The following RBFOX1 variants were observed in gnomAD, a reference collection of about 807,000 sequenced individuals.
The protein encoded by RBFOX1 is RNA binding fox-1 homolog 1.
Under a neutral mutation model 57.7 loss-of-function variants are expected in RBFOX1, and 8 were observed. The ratio of observed to expected loss-of-function variants is 0.14; its 90% CI spans 0.08 to 0.25. The LOEUF is 0.25. RBFOX1 is among the 10% of genes least tolerant of loss of function. The pLI is 1.00. For missense variants in RBFOX1, 611 were observed against 548.5 expected, an observed-to-expected ratio of 1.11 and a Z score of -1.14; for synonymous variants, 326 against 222.4, an observed-to-expected ratio of 1.47 and a Z score of -4.15.
intron 2 of RBFOX1, among the ~76,000 whole-genome samples, chr16:5,488,884 A>T (rs1438212423): frequency 6.6e-6 from 1 of 152,170 alleles, no homozygotes; most frequent in Non-Finnish European, 1.5e-5. Context: ...GATGATGATG[A>T]TGGAATATGA....
intron 3 of RBFOX1, among the ~76,000 whole-genome samples, chr16:5,653,844 C>A: frequency 6.6e-6 from 1 of 152,158 alleles, no homozygotes; most frequent in East Asian, 1.9e-4. Context: ...GTCAGGGGTC[C>A]GTGGCAAACT....
intron 4 of RBFOX1, among the ~76,000 whole-genome samples, chr16:5,956,985 A>T (rs971245530): frequency 6.6e-6 from 1 of 152,012 alleles, no homozygotes; most frequent in Non-Finnish European, 1.5e-5. Context: ...TTTTTGTAAA[A>T]TGAGTTTTAA....
chr16:5,857,802 C>T (rs1043042255), intron 3 of RBFOX1, among the ~76,000 whole-genome samples: 26 of 151,876 alleles, frequency 1.7e-4, no homozygotes, highest in African/African-American at 6.3e-4. Flanking sequence ...AAAACTTAGC[C>T]AGGCATGGTG....
At chr16:5,336,463 A>G (rs575725447) in intron 1 of RBFOX1, among the ~76,000 whole-genome samples, 5 of 152,230 alleles carry the variant, frequency 3.3e-5, no homozygotes, top group East Asian at 3.9e-4. Context: ...ATTGAATGAG[A>G]TCATGCATGG....
At chr16:7,170,700 C>G (rs953171812) in intron 4 of RBFOX1, among the ~76,000 whole-genome samples, 2 of 151,820 alleles carry the variant, frequency 1.3e-5, no homozygotes, top group African/African-American at 4.8e-5. Context: ...GGTTTGGTTT[C>G]TGCTGTATCC....
intron 2 of RBFOX1, among the ~76,000 whole-genome samples, chr16:6,356,985 T>C (rs910362915): frequency 1.3e-5 from 2 of 152,110 alleles, no homozygotes; most frequent in African/African-American, 4.8e-5. Flanking sequence ...CGGTAATGGA[T>C]TCCCCCTTCC....
intron 2 of RBFOX1, among the ~76,000 whole-genome samples, chr16:6,332,897 A>C (rs948965160): frequency 3.7e-4 from 57 of 152,230 alleles, no homozygotes; most frequent in African/African-American, 1.2e-3. Context: ...TATAGAACAT[A>C]GATGATCAAT....
At chr16:6,217,632 T>G (rs1344487465) in intron 1 of RBFOX1, among the ~76,000 whole-genome samples, 3 of 152,218 alleles carry the variant, frequency 2.0e-5, no homozygotes, top group Non-Finnish European at 4.4e-5. Flanking sequence ...GTTGACGGGC[T>G]GAGTAACCTG....
intron 3 of RBFOX1, among the ~76,000 whole-genome samples, chr16:6,746,468 G>A (rs1417054538): frequency 6.6e-6 from 1 of 152,196 alleles, no homozygotes; most frequent in East Asian, 1.9e-4. Flanking sequence ...CTTGAGCCCA[G>A]GTGTTCAAGA....
At chr16:6,990,389 G>T (rs931128556) in intron 3 of RBFOX1, among the ~76,000 whole-genome samples, 1 of 152,052 alleles carries the variant, frequency 6.6e-6, no homozygotes, top group Admixed American at 6.6e-5. Flanking sequence ...GCCGGTAGTG[G>T]TGGCGCATGC....
rs2148639843 is a variant in RBFOX1 at position 7,711,516 on chromosome 16, T to G, written c.*771T>G. Reference sequence around the variant, plus strand: ...TTATATTTCTTCCAGTATAATAAATTATTGATATCACTGCTGACTTTTATA... The same window carrying G: ...TTATATTTCTTCCAGTATAATAAATGATTGATATCACTGCTGACTTTTATA... On this transcript the variant is annotated 3_prime_UTR_variant, in exon 16 of 16. Coordinates refer to ENST00000550418, the MANE Select transcript of RBFOX1 (RefSeq NM_018723.4). 1 of 152,692 alleles carries G rather than the reference T, an allele frequency of 6.5e-6. No homozygotes were observed. The highest frequency in any genetic ancestry group is 2.1e-4 in the South Asian group (1 of 4,830). The allele number at this position is 152,692 out of a possible 1,614,324, so 9.5% of individuals were successfully genotyped here. A position where few individuals can be genotyped will look rare whatever the true frequency, so the allele number is the denominator to read the frequency against.
chr16:6,206,051 C>G (rs780857446), intron 1 of RBFOX1, among the ~76,000 whole-genome samples: 11 of 151,908 alleles, frequency 7.2e-5, no homozygotes, highest in Non-Finnish European at 2.9e-5. Flanking sequence ...AATGTGCAAA[C>G]TGAAGATGAG....
intron 1 of RBFOX1, among the ~76,000 whole-genome samples, chr16:5,331,298 A>G (rs890782489): frequency 5.9e-5 from 9 of 152,230 alleles, no homozygotes; most frequent in African/African-American, 1.9e-4. Context: ...GCTTCGTATC[A>G]GTCAACAAAT....
At chr16:6,089,994 C>A (rs1041196872) in intron 1 of RBFOX1, 6 of 152,112 alleles carry the variant, frequency 3.9e-5, no homozygotes, top group African/African-American at 1.2e-4. Flanking sequence ...TCTAACTGGG[C>A]TAACATCACG....
At chr16:6,049,220 T>C (rs1026102487) in intron 1 of RBFOX1, among the ~76,000 whole-genome samples, 1 of 151,934 alleles carries the variant, frequency 6.6e-6, no homozygotes, top group Non-Finnish European at 1.5e-5. Context: ...CCCACCACCA[T>C]GCCTGGCTAA....
intron 4 of RBFOX1, among the ~76,000 whole-genome samples, chr16:7,366,154 G>T (rs1008357961): frequency 6.6e-6 from 1 of 152,194 alleles, no homozygotes; most frequent in African/African-American, 2.4e-5. Flanking sequence ...ACAGTGTATT[G>T]AGGCCTTTCC....
At chr16:7,624,874 C>A (rs995383760) in intron 10 of RBFOX1, among the ~76,000 whole-genome samples, 2 of 152,040 alleles carry the variant, frequency 1.3e-5, no homozygotes, top group Admixed American at 6.6e-5. Flanking sequence ...GTTGGTTTTG[C>A]GCCGATTGGA....
At chr16:6,965,315 T>TTGTGTGTGTG (rs57603257) in intron 3 of RBFOX1, among the ~76,000 whole-genome samples, 28 of 147,554 alleles carry the variant, frequency 1.9e-4, no homozygotes, top group African/African-American at 2.7e-4. Context: ...TTTTCTTTTG[T>TTGTGTGTGTG]TGTGTGTGTG....
chr16:7,345,394 C>G (rs749777568), intron 4 of RBFOX1, among the ~76,000 whole-genome samples: 4 of 152,144 alleles, frequency 2.6e-5, no homozygotes, highest in Non-Finnish European at 5.9e-5. Flanking sequence ...TAAGGCTGTT[C>G]GGGCAGCCCT....
Sources: gnomAD v4.1 joint callset for allele counts (sites outside exome capture counted in the v4.1 genomes callset) on GRCh38, gnomAD v4.1.1 for gene constraint, MANE v1.5 for transcripts, NCBI Gene and HGNC (gene_info 2026-07-23, HGNC 2026-07-21) for gene names.